CHD1L: variants seen among roughly 807,000 people sequenced by gnomAD.
CHD1L encodes ATP-dependent chromatin remodeler CHD1L.
A neutral mutation model predicts 115.9 loss-of-function variants in CHD1L; 118 were observed. The ratio of observed to expected loss-of-function variants is 1.02; its 90% CI spans 0.88 to 1.19. The LOEUF (loss-of-function observed/expected upper bound fraction) is 1.19. Ranked by LOEUF, CHD1L falls within the 50% of genes most tolerant of loss-of-function variation. The pLI is 0.00. For missense variants in CHD1L, 1,179 were observed against 1,065.3 expected (o/e 1.11, Z -1.49); for synonymous variants, 411 against 387.1 (o/e 1.06, Z -0.72).
the CHD1L span, chr1:147,210,795 G>A: frequency 6.6e-6 from 1 of 152,026 alleles, no homozygotes; most frequent in Admixed American, 6.6e-5. Context: ...TCTTATTTCA[G>A]TTTTCCATCT....
At chr1:147,271,047 A>G (rs1553952681) in intron 11 of CHD1L, 42 bp downstream of exon 11, 1 of 1,479,658 alleles carries the variant, frequency 6.8e-7, no homozygotes, top group Non-Finnish European at 9.5e-7. Flanking sequence ...GCTCTGTTAG[A>G]CTTAACAGTC....
intron 6 of CHD1L, among the ~76,000 whole-genome samples, chr1:147,262,078 C>T (rs1360558320): frequency 2.6e-5 from 4 of 151,762 alleles, no homozygotes; most frequent in African/African-American, 9.7e-5. Flanking sequence ...CGCCTGTAGT[C>T]CCAGCTACTT....
upstream of CHD1L, among the ~76,000 whole-genome samples, chr1:147,240,784 T>C (rs1272849228): frequency 6.6e-6 from 1 of 152,184 alleles, no homozygotes; most frequent in Non-Finnish European, 1.5e-5. Context: ...ACCTTGTTTA[T>C]GATGCAGAGA....
In CHD1L at chr1:147,293,686, C is replaced by T. The variant is rs587655935; in HGVS notation, c.2470C>T (p.Leu824=). The change falls in exon 21 of 23, where the codon CTG becomes TTG. Residue 824 remains leucine, a synonymous_variant. Transcript: ENST00000369258. ...TAAGATGGCAGCCCTAGAAGAGGGC[C>T]TGAAGAAGATATTTTTAGCAGCAAA... ...GIKMAALEEG[L]KKIFLAAKKK... is the part of the protein sequence containing the mutation. 67 of 1,613,956 alleles carry T rather than the reference C, an allele frequency of 4.2e-5. No homozygotes were observed. The South Asian group carries it at 6.7e-4, about 16-fold the overall frequency.
intron 15 of CHD1L, among the ~76,000 whole-genome samples, chr1:147,281,379 G>A (rs1463556967): frequency 6.6e-6 from 1 of 151,972 alleles, no homozygotes; most frequent in Non-Finnish European, 1.5e-5. Flanking sequence ...CTGGTTTTGG[G>A]GGTTCATTTC....
intron 17 of CHD1L, among the ~76,000 whole-genome samples, chr1:147,285,863 A>T (rs936478242): frequency 6.6e-6 from 1 of 151,790 alleles, no homozygotes; most frequent in South Asian, 2.1e-4. Context: ...TGCCTGGCTA[A>T]TTTTTTTTAT....
In CHD1L at chr1:147,266,102, C is replaced by G. The variant is rs919629593; in HGVS notation, c.895+15C>G. The G allele has an allele frequency of 6.3e-7, 1 of 1,597,368 alleles. No homozygotes were observed. The highest frequency in any genetic ancestry group is 8.5e-7 in the Non-Finnish European group (1 of 1,173,516). Reference sequence around the variant, plus strand: ...GAAAGACCTAGGTAATCAGAGGGCACTTGTCCATTTAGAAACTAAATGAGG... The same window carrying G: ...GAAAGACCTAGGTAATCAGAGGGCAGTTGTCCATTTAGAAACTAAATGAGG... On this transcript the variant is annotated intron_variant, in intron 8 of 22. Coordinates refer to ENST00000369258, the MANE Select transcript of CHD1L (RefSeq NM_004284.6).
At chr1:147,295,359 C>G (rs1261509875) in intron 22 of CHD1L, 72 bp from the exon 23 acceptor site, 4 of 950,980 alleles carry the variant, frequency 4.2e-6, no homozygotes, top group Admixed American at 3.6e-5. Context: ...TCAATAATTA[C>G]TAGAGAACTA....
intron 1 of CHD1L, among the ~76,000 whole-genome samples, chr1:147,244,790 GT>G (rs2102236638): frequency 2.6e-5 from 1 of 37,766 alleles, no homozygotes; most frequent in African/African-American, 1.1e-4. Flanking sequence ...CCTCTTCTTG[GT>G]ATTTAGGTTC....
At chr1:147,294,077 C>T (rs1333446202) in intron 21 of CHD1L, among the ~76,000 whole-genome samples, 2 of 152,080 alleles carry the variant, frequency 1.3e-5, no homozygotes, top group African/African-American at 2.4e-5. Context: ...GACAGTTCTT[C>T]GACAAAAATT....
intron 7 of CHD1L, among the ~76,000 whole-genome samples, chr1:147,265,475 A>T (rs991488933): frequency 1.1e-4 from 16 of 152,228 alleles, no homozygotes; most frequent in African/African-American, 3.1e-4. Flanking sequence ...AATTCAAGAC[A>T]TCTGGGGAAA....
chr1:147,186,293 A>G, the CHD1L span: 1 of 980,304 alleles, frequency 1.0e-6, no homozygotes, highest in Non-Finnish European at 1.2e-6. Context: ...GAAAATAAAG[A>G]CATGGTTCCT....
At chr1:147,184,591 C>A in the CHD1L span, 1 of 1,548,566 alleles carries the variant, frequency 6.5e-7, no homozygotes, top group South Asian at 1.2e-5. This position sits in a 1 kb window ranked among gnomAD's most constrained non-coding sequence, Gnocchi z 4.4. Flanking sequence ...GTAGAATATT[C>A]TTCAACTTGG....
At chr1:147,238,309 T>C (rs1664652900), upstream of CHD1L, among the ~76,000 whole-genome samples, 1 of 152,214 alleles carries the variant, frequency 6.6e-6, no homozygotes, top group South Asian at 2.1e-4. Flanking sequence ...TTTATCCAAT[T>C]TCCGTATCTG....
the CHD1L span, among the ~76,000 whole-genome samples, chr1:147,205,936 A>T: frequency 6.6e-6 from 1 of 152,162 alleles, no homozygotes; most frequent in Non-Finnish European, 1.5e-5. Context: ...TAAACTAAAG[A>T]GCTTCTGCAC....
At chr1:147,291,422 A>G (rs184486333) in intron 19 of CHD1L, 60 bp from the exon 20 acceptor site, 5 of 1,352,674 alleles carry the variant, frequency 3.7e-6, no homozygotes, top group South Asian at 1.2e-5. Context: ...AGATACGAGG[A>G]GGATTCATTC....
chr1:147,282,295 G>A (rs1173675722), intron 15 of CHD1L, among the ~76,000 whole-genome samples: 3 of 152,200 alleles, frequency 2.0e-5, no homozygotes, highest in Non-Finnish European at 2.9e-5. Context: ...CCTGGGAGAG[G>A]TGAGAATGGA....
chr1:147,233,027 C>T, the CHD1L span, among the ~76,000 whole-genome samples: 13,325 of 151,826 alleles, frequency 0.088, 642 homozygotes, highest in East Asian at 0.16. Context: ...CGCCTCTTCC[C>T]GGCCGCCATC....
chr1:147,191,222 T>C, the CHD1L span, among the ~76,000 whole-genome samples: 1 of 152,154 alleles, frequency 6.6e-6, no homozygotes. Flanking sequence ...TTGGGTCAAA[T>C]GGTACTTCCA....
Sources: gnomAD v4.1 joint callset for allele counts (sites outside exome capture counted in the v4.1 genomes callset) on GRCh38, gnomAD v4.1.1 for gene constraint, Gnocchi (gnomAD v3.1) non-coding constraint, MANE v1.5 for transcripts, NCBI Gene and HGNC (gene_info 2026-07-23, HGNC 2026-07-21) for gene names.